Variants in VPS41 observed in about 807,000 individuals in gnomAD.
VPS41 encodes the protein VPS41 subunit of HOPS complex.
VPS41 carries 85 observed loss-of-function variants against 130.9 expected under a neutral mutation model. The observed-to-expected ratio is 0.65, with a 90% confidence interval of 0.55 to 0.78. The LOEUF (loss-of-function observed/expected upper bound fraction) is 0.78, where lower values mean the gene tolerates loss of function less well. VPS41 is among the 30% of genes least tolerant of loss of function. The pLI, the probability that VPS41 is intolerant of heterozygous loss-of-function variation, is 0.00. For missense variants in VPS41, 874 were observed against 1,018.7 expected, an observed-to-expected ratio of 0.86 and a Z score of 1.93; for synonymous variants, 335 against 332.9, an observed-to-expected ratio of 1.01 and a Z score of -0.07.
chr7:38,887,260 C>A (rs78790017), intron 2 of VPS41, among the ~76,000 whole-genome samples: 1 of 151,962 alleles, frequency 6.6e-6, no homozygotes, highest in Non-Finnish European at 1.5e-5. Flanking sequence ...TAACCCATCA[C>A]GAGGAAGCTA....
intron 7 of VPS41, among the ~76,000 whole-genome samples, chr7:38,815,761 C>G (rs1224823316): frequency 6.6e-6 from 1 of 152,162 alleles, no homozygotes; most frequent in African/African-American, 2.4e-5. Flanking sequence ...GCCTCCCAGC[C>G]TACATCTTTC....
chr7:38,842,344 A>T (rs1785625806), intron 4 of VPS41, among the ~76,000 whole-genome samples: 1 of 152,150 alleles, frequency 6.6e-6, no homozygotes, highest in Middle Eastern at 3.4e-3. Context: ...CCAACACCCC[A>T]TTTTCCACAC....
chr7:38,883,916 T>A (rs1366698366), intron 2 of VPS41, among the ~76,000 whole-genome samples: 3 of 152,222 alleles, frequency 2.0e-5, no homozygotes, highest in Non-Finnish European at 4.4e-5. Flanking sequence ...CAGCAGAACC[T>A]GTTAATATTA....
intron 23 of VPS41, among the ~76,000 whole-genome samples, chr7:38,744,340 G>A (rs1346133421): frequency 1.3e-5 from 2 of 152,106 alleles, no homozygotes; most frequent in Admixed American, 6.5e-5. Flanking sequence ...GGGCTTGCAG[G>A]AACTAGTAAA....
Position 38,884,606 on chromosome 7 carries a change from C to T in VPS41, c.60+13485G>A, listed in dbSNP as rs141091128. Among the ~76,000 whole-genome samples, 10 of 152,266 alleles carry T rather than the reference C, an allele frequency of 6.6e-5. No individual in the cohort carries two copies. In the East Asian group the frequency reaches 1.5e-3, roughly 24 times the overall value. On this transcript the variant is annotated intron_variant, in intron 2 of 28. Transcript: ENST00000310301. ...GTGACCTCAAGCAATCCTCCCACCTCGGCTTCCCAATGTGCTGTGATTACA... is the reference window on the plus strand; with the variant it reads ...GTGACCTCAAGCAATCCTCCCACCTTGGCTTCCCAATGTGCTGTGATTACA...
intron 7 of VPS41, among the ~76,000 whole-genome samples, chr7:38,814,403 G>A (rs541093113): frequency 6.6e-6 from 1 of 152,160 alleles, no homozygotes; most frequent in African/African-American, 2.4e-5. Context: ...TGTAAGCCCA[G>A]CACTTTGGAA....
rs1183565195 is a variant in VPS41, at chr7:38,743,476, G to A, written c.2048C>T (p.Ala683Val). The change falls in exon 24 of 29, where the codon GCA becomes GTA. Residue 683 changes from alanine (A) to valine (V), a missense_variant. Physicochemically the swap from Ala to Val is moderately conservative, Grantham distance 64. Transcript: ENST00000310301. ...IMEELHDVDKAIEFAKEQDDG... is the reference protein window; with the variant it reads ...IMEELHDVDKVIEFAKEQDDG... ...ATCTTGCTCCTTGGCAAATTCGATT[G>A]CTTTATCAACATCATGTAATTCCTC... 1.1e-5 allele frequency: 17 copies of A among 1,613,870 alleles called. No homozygotes were observed. Among genetic ancestry groups the A allele is most frequent in the Admixed American group, 1.0e-4 (6 of 59,990 alleles).
At chr7:38,755,519 G>A (rs112076262) in intron 19 of VPS41, among the ~76,000 whole-genome samples, 16 of 152,312 alleles carry the variant, frequency 1.1e-4, no homozygotes, top group African/African-American at 3.4e-4. Flanking sequence ...GACAGTTTAT[G>A]TCAAGAGGAA....
intron 25 of VPS41, 26 bp from the exon 26 acceptor site, chr7:38,728,817 G>T: frequency 3.7e-6 from 6 of 1,604,786 alleles, no homozygotes; most frequent in Non-Finnish European, 5.1e-6. Context: ...TAAAAGAAAA[G>T]CCATCTTAAG....
At chr7:38,847,307 C>A (rs1395467724) in intron 4 of VPS41, among the ~76,000 whole-genome samples, 1 of 151,394 alleles carries the variant, frequency 6.6e-6, no homozygotes, top group Non-Finnish European at 1.5e-5. Context: ...AAAAAAAATA[C>A]AGCATCCTCT....
chr7:38,728,095 G>A (rs1254848547), intron 27 of VPS41, among the ~76,000 whole-genome samples: 1 of 152,060 alleles, frequency 6.6e-6, no homozygotes, highest in Admixed American at 6.5e-5. Context: ...TTTTTTCCCA[G>A]ACATGTATAT....
At chr7:38,849,018 G>A (rs995721765) in intron 4 of VPS41, among the ~76,000 whole-genome samples, 1 of 152,032 alleles carries the variant, frequency 6.6e-6, no homozygotes, top group Non-Finnish European at 1.5e-5. Context: ...CAATATCAAG[G>A]AATAAATTCT....
At chr7:38,879,379 T>C (rs967687679) in intron 2 of VPS41, among the ~76,000 whole-genome samples, 2 of 152,140 alleles carry the variant, frequency 1.3e-5, no homozygotes, top group African/African-American at 4.8e-5. Context: ...CAAGTAGAGA[T>C]GCTTGTTAGG....
chr7:38,728,375 C>T, intron 27 of VPS41, 167 bp downstream of exon 27: 1 of 797,722 alleles, frequency 1.3e-6, no homozygotes. Flanking sequence ...TAAGCAATGG[C>T]AGCACCAGCA....
At chr7:38,794,845 C>G (rs184310638) in intron 9 of VPS41, among the ~76,000 whole-genome samples, 1 of 152,258 alleles carries the variant, frequency 6.6e-6, no homozygotes, top group African/African-American at 2.4e-5. Context: ...TCTGAAGTAT[C>G]TAATATAACA....
chr7:38,783,632 G>C (rs1784391268), intron 10 of VPS41, among the ~76,000 whole-genome samples: 1 of 152,128 alleles, frequency 6.6e-6, no homozygotes, highest in Admixed American at 6.6e-5. Flanking sequence ...TTTAGCTTCT[G>C]AGGAGGTACA....
intron 10 of VPS41, among the ~76,000 whole-genome samples, chr7:38,785,039 T>G (rs2115917728): frequency 6.6e-6 from 1 of 152,338 alleles, no homozygotes; most frequent in East Asian, 1.9e-4. Context: ...CCCTTCATTG[T>G]CTTATATTCA....
chr7:38,762,267 A>G lies in VPS41; in HGVS notation c.1422+1188T>C, dbSNP rs147424148. 2.6e-3 allele frequency among the ~76,000 whole-genome samples: 399 copies of G among 152,348 alleles called. 4 individuals carry two copies. Among genetic ancestry groups the G allele is most frequent in the Admixed American group, 0.021 (314 of 15,302 alleles). ...TTACTAATTAGAGGACACAGGAACA[A>G]GGGACCTGTTATGATTGAATGAGCA... On this transcript the variant is annotated intron_variant, in intron 17 of 28. Transcript: ENST00000310301.
chr7:38,898,346 GT>G (rs1295087205), intron 1 of VPS41, among the ~76,000 whole-genome samples: 2 of 152,130 alleles, frequency 1.3e-5, no homozygotes, highest in African/African-American at 4.8e-5. Flanking sequence ...CCCTCAAAGA[GT>G]TAACAGGTAA....
Sources: gnomAD v4.1 joint callset for allele counts (sites outside exome capture counted in the v4.1 genomes callset) on GRCh38, gnomAD v4.1.1 for gene constraint, MANE v1.5 for transcripts, NCBI Gene and HGNC (gene_info 2026-07-23, HGNC 2026-07-21) for gene names.